FBXO38: variants seen among roughly 807,000 people sequenced by gnomAD.
FBXO38 encodes the protein F-box only protein 38.
In FBXO38, 53 loss-of-function variants were observed where a neutral mutation model predicts 131.9. That is an observed-to-expected ratio of 0.40 (90% CI 0.32 to 0.51). The LOEUF is 0.51. Among genes scored for constraint, FBXO38 ranks in the 20% least tolerant of loss-of-function variants. FBXO38 has a pLI of 0.53. For missense variants in FBXO38, 1,076 were observed against 1,475.6 expected (o/e 0.73, Z 4.44); for synonymous variants, 452 against 505.6 (o/e 0.89, Z 1.42).
Position 148,394,781 on chromosome 5 carries a change from G to A in FBXO38, c.5G>A (p.Gly2Glu). The A allele has an allele frequency of 1.3e-6, 2 of 1,568,666 alleles. No individual in the cohort carries two copies. The highest frequency in any genetic ancestry group is 1.7e-6 in the Non-Finnish European group (2 of 1,158,276). Residue 2 changes from glycine (G) to glutamate (E), a missense_variant, in exon 2 of 22, where the codon GGG (glycine) becomes GAG (glutamate). By Grantham distance (98) the Gly-to-Glu change is moderately conservative. Coordinates refer to ENST00000340253, the MANE Select transcript of FBXO38 (RefSeq NM_205836.3). M[G>E]PRKKSVKTCI... ...GATACTGGAGACTGCACAACAATGG[G>A]GCCACGAAAGAAAAGTGTGAAAACA...
intron 19 of FBXO38, 145 bp downstream of exon 19, chr5:148,439,937 A>C (rs1754575701): frequency 2.6e-6 from 2 of 763,318 alleles, no homozygotes; most frequent in Non-Finnish European, 2.1e-6. Context: ...CGTAAGTAAG[A>C]AACTGAGGGA....
In FBXO38 at chr5:148,427,151, G is replaced by T. The variant is rs1031222921; in HGVS notation, c.1919-62G>T. 5.3e-6 allele frequency: 8 copies of T among 1,520,746 alleles called. No homozygotes were observed. In the African/African-American group the frequency reaches 9.8e-5, roughly 19 times the overall value. The allele number at this position is 1,520,746 out of a possible 1,614,324, so 94.2% of individuals were successfully genotyped here. On this transcript the variant is annotated intron_variant, in intron 14 of 21. Coordinates refer to ENST00000340253, the MANE Select transcript of FBXO38 (RefSeq NM_205836.3). The stretch of plus-strand genomic sequence containing the variant: ...TGTTCCAAATTTACTCTTGCGTTTT[G>T]TCCAGAATTTATACTGAAATCTTTT...
At chr5:148,421,372 G>A (rs952468232) in intron 12 of FBXO38, among the ~76,000 whole-genome samples, 3 of 152,008 alleles carry the variant, frequency 2.0e-5, no homozygotes, top group African/African-American at 7.3e-5. Context: ...AAGCCTAAGG[G>A]CAAACTACAG....
chr5:148,420,956 C>T (rs1235732348), intron 12 of FBXO38, among the ~76,000 whole-genome samples: 1 of 151,722 alleles, frequency 6.6e-6, no homozygotes, highest in Non-Finnish European at 1.5e-5. Flanking sequence ...TGCACCAAGC[C>T]AAGAATTTTA....
At position 148,424,105 on chromosome 5, in the gene FBXO38, GA is replaced by G; in HGVS notation, c.1727del (p.Glu576GlyfsTer12). The part of the protein sequence containing the change: ...SQAIIPVDVD[E>X]EQAGPSGLQR... Reference sequence around the variant, plus strand: ...GGCAATTATTCCTGTGGATGTTGATGAGGAACAAGCAGGTAATCATGTGATC... The same window carrying G: ...GGCAATTATTCCTGTGGATGTTGATGGGAACAAGCAGGTAATCATGTGATC... On this transcript the variant is annotated frameshift_variant, in exon 13 of 22. Coordinates refer to ENST00000340253, the MANE Select transcript of FBXO38 (RefSeq NM_205836.3). LOFTEE classifies it high-confidence loss of function. The G allele has an allele frequency of 6.2e-7, 1 of 1,613,064 alleles. No individual in the cohort carries two copies. Among genetic ancestry groups the G allele is most frequent in the Non-Finnish European group, 8.5e-7 (1 of 1,179,436 alleles).
At chr5:148,391,636 T>TAGGATTGG (rs1758199521) in intron 1 of FBXO38, among the ~76,000 whole-genome samples, 3 of 152,184 alleles carry the variant, frequency 2.0e-5, no homozygotes, top group Non-Finnish European at 4.4e-5. Context: ...TGGAAGAAGA[T>TAGGATTGG]AAGATTGGAA....
chr5:148,440,735 G>A (rs1411777747), intron 20 of FBXO38, among the ~76,000 whole-genome samples: 2 of 152,124 alleles, frequency 1.3e-5, no homozygotes, highest in African/African-American at 4.8e-5. Flanking sequence ...CTTACAGCAA[G>A]CAGTAACCCA....
At chr5:148,421,808 A>G (rs1215805908) in intron 12 of FBXO38, among the ~76,000 whole-genome samples, 1 of 152,176 alleles carries the variant, frequency 6.6e-6, no homozygotes, top group Non-Finnish European at 1.5e-5. Flanking sequence ...TAAAATCAAG[A>G]CATTATGCTT....
chr5:148,408,504 G>A (rs949867177), intron 7 of FBXO38, among the ~76,000 whole-genome samples: 3 of 152,168 alleles, frequency 2.0e-5, no homozygotes, highest in African/African-American at 7.2e-5. Context: ...TTAAATTGTG[G>A]CATATTCATA....
chr5:148,386,231 T>G lies in FBXO38; in HGVS notation c.-64+2192T>G, dbSNP rs79842090. 5.0e-3 allele frequency among the ~76,000 whole-genome samples: 763 copies of G among 152,274 alleles called. 6 individuals are homozygous for G. The highest frequency in any genetic ancestry group is 0.017 in the African/African-American group (707 of 41,550). ...CTTTCTCCAAGCACTAGGGCATTGC[T>G]CTGGAATGCAGGAAGACAACCACAG... On this transcript the variant is annotated intron_variant, in intron 1 of 21. Transcript: ENST00000340253.
intron 10 of FBXO38, 139 bp from the exon 11 acceptor site, chr5:148,415,789 G>A (rs1367937658): frequency 5.2e-6 from 4 of 769,996 alleles, no homozygotes; most frequent in East Asian, 5.5e-5. Context: ...TAGAATCATC[G>A]GGTTTTAGAA....
At chr5:148,435,717 C>T (rs972766818) in intron 17 of FBXO38, among the ~76,000 whole-genome samples, 63 of 152,226 alleles carry the variant, frequency 4.1e-4, no homozygotes, top group African/African-American at 1.4e-3. Flanking sequence ...TTGCAGTGAG[C>T]CGAGACTGCG....
intron 8 of FBXO38, among the ~76,000 whole-genome samples, chr5:148,410,005 C>T (rs1026015040): frequency 6.6e-6 from 1 of 152,188 alleles, no homozygotes; most frequent in Admixed American, 6.5e-5. Context: ...AAGATTCTTA[C>T]CTGTAATTAA....
chr5:148,438,758 G>A (rs963866542), intron 18 of FBXO38, among the ~76,000 whole-genome samples: 2 of 152,162 alleles, frequency 1.3e-5, no homozygotes, highest in Non-Finnish European at 2.9e-5. Flanking sequence ...TGTCTGACCT[G>A]TAGCAGATTA....
chr5:148,416,830 T>C, intron 11 of FBXO38, 164 bp from the exon 12 acceptor site: 1 of 600,104 alleles, frequency 1.7e-6, no homozygotes, highest in African/African-American at 1.9e-5. Flanking sequence ...CTTGAAGTGT[T>C]GCAGGCCTTA....
Position 148,410,766 on chromosome 5 carries a change from G to A in FBXO38, c.1093+1G>A. ...TATGTAGATGAGTTTTTGCTACAGA[G>A]TAAGATTTATCCCATTTTAATTCCT... On this transcript the variant is annotated splice_donor_variant, in intron 9 of 21. Coordinates refer to ENST00000340253, the MANE Select transcript of FBXO38 (RefSeq NM_205836.3). LOFTEE classifies it high-confidence loss of function. 1.2e-6 allele frequency: 2 copies of A among 1,601,812 alleles called. No homozygotes were observed. Among genetic ancestry groups the A allele is most frequent in the Non-Finnish European group, 1.7e-6 (2 of 1,176,686 alleles).
chr5:148,425,246 C>T (rs551233345), intron 13 of FBXO38, among the ~76,000 whole-genome samples: 34 of 152,114 alleles, frequency 2.2e-4, no homozygotes, highest in Non-Finnish European at 2.9e-4. Flanking sequence ...GAAGGTCCTG[C>T]AAGGGGATGC....
At chr5:148,425,280 G>A (rs2113620186) in intron 13 of FBXO38, among the ~76,000 whole-genome samples, 1 of 152,216 alleles carries the variant, frequency 6.6e-6, no homozygotes, top group South Asian at 2.1e-4. Context: ...ATTTTAATTT[G>A]CCTTTGGAAA....
intron 15 of FBXO38, among the ~76,000 whole-genome samples, chr5:148,429,901 T>G (rs556732824): frequency 4.6e-5 from 7 of 152,140 alleles, no homozygotes; most frequent in African/African-American, 1.7e-4. Flanking sequence ...AAATATCATT[T>G]ATGTAGTGCT....
Sources: gnomAD v4.1 joint callset for allele counts (sites outside exome capture counted in the v4.1 genomes callset) on GRCh38, gnomAD v4.1.1 for gene constraint, MANE v1.5 for transcripts, NCBI Gene and HGNC (gene_info 2026-07-23, HGNC 2026-07-21) for gene names.